RTN1: variants seen among roughly 807,000 people sequenced by gnomAD.
RTN1 encodes reticulon 1.
RTN1 carries 25 observed loss-of-function variants against 65.5 expected under a neutral mutation model. That is an observed-to-expected ratio of 0.38 (90% CI 0.28 to 0.53). The LOEUF (loss-of-function observed/expected upper bound fraction) is 0.53. Among genes scored for constraint, RTN1 ranks in the 20% least tolerant of loss-of-function variants. RTN1 has a pLI of 0.79. For missense variants in RTN1, 983 were observed against 1,025.4 expected, an observed-to-expected ratio of 0.96 and a Z score of 0.57; for synonymous variants, 471 against 447.6, an observed-to-expected ratio of 1.05 and a Z score of -0.66.
At chr14:59,857,489 G>T (rs1887629052) in intron 1 of RTN1, among the ~76,000 whole-genome samples, 1 of 152,086 alleles carries the variant, frequency 6.6e-6, no homozygotes, top group Admixed American at 6.6e-5. Context: ...CAGCCATAGG[G>T]CACAAAACTG....
intron 3 of RTN1, among the ~76,000 whole-genome samples, chr14:59,723,490 G>A (rs555413596): frequency 7.9e-5 from 12 of 151,906 alleles, no homozygotes; most frequent in South Asian, 4.2e-4. Flanking sequence ...GGTGGTGGGC[G>A]CCTGTAGTCC....
At chr14:59,847,076 T>C (rs1260692238) in intron 1 of RTN1, among the ~76,000 whole-genome samples, 1 of 152,238 alleles carries the variant, frequency 6.6e-6, no homozygotes, top group Non-Finnish European at 1.5e-5. Context: ...TAATTTCTCA[T>C]GCTTTAAAAC....
At chr14:59,857,862 C>T (rs1178925277) in intron 1 of RTN1, among the ~76,000 whole-genome samples, 2 of 152,174 alleles carry the variant, frequency 1.3e-5, no homozygotes, top group Non-Finnish European at 2.9e-5. Flanking sequence ...TCTTCCTTCT[C>T]CTCATCTGGA....
chr14:59,753,612 A>T (rs1885575296), intron 1 of RTN1, among the ~76,000 whole-genome samples: 1 of 152,194 alleles, frequency 6.6e-6, no homozygotes, highest in Non-Finnish European at 1.5e-5. Flanking sequence ...GTAAACAGAA[A>T]GTCCTCCTAG....
chr14:59,863,959 A>G (rs914218922), intron 1 of RTN1, among the ~76,000 whole-genome samples: 2 of 152,142 alleles, frequency 1.3e-5, no homozygotes, highest in African/African-American at 4.8e-5. Context: ...GGTGCAAGCC[A>G]CCATGATTTC....
intron 3 of RTN1, among the ~76,000 whole-genome samples, chr14:59,611,105 G>C (rs1881934941): frequency 6.6e-6 from 1 of 152,220 alleles, no homozygotes; most frequent in Non-Finnish European, 1.5e-5. Context: ...CACACAGCCG[G>C]CTCTGTGTGA....
chr14:59,840,993 C>T (rs1330032678), intron 1 of RTN1, among the ~76,000 whole-genome samples: 2 of 152,186 alleles, frequency 1.3e-5, no homozygotes, highest in Non-Finnish European at 2.9e-5. Context: ...CATCTTTGCT[C>T]CATCCCTTTC....
chr14:59,653,526 TTTTA>T (rs1437059399), intron 3 of RTN1, among the ~76,000 whole-genome samples: 3 of 152,042 alleles, frequency 2.0e-5, no homozygotes, highest in African/African-American at 4.8e-5. Flanking sequence ...AGTTTCTGTT[TTTTA>T]TTTATTTAAG....
At chr14:59,851,628 G>C (rs575179237) in intron 1 of RTN1, among the ~76,000 whole-genome samples, 1 of 152,098 alleles carries the variant, frequency 6.6e-6, no homozygotes, top group African/African-American at 2.4e-5. Context: ...GGGAGGCCAA[G>C]GCGGACAGAT....
intron 3 of RTN1, among the ~76,000 whole-genome samples, chr14:59,670,232 G>A (rs1883474264): frequency 6.6e-6 from 1 of 152,100 alleles, no homozygotes; most frequent in South Asian, 2.1e-4. Context: ...AATAAGCAAG[G>A]ACCAGAATTA....
chr14:59,708,254 G>A (rs1369062965), intron 3 of RTN1, among the ~76,000 whole-genome samples: 1 of 152,228 alleles, frequency 6.6e-6, no homozygotes, highest in South Asian at 2.1e-4. Context: ...TCAAAAACAA[G>A]CTCGGTGTGG....
chr14:59,824,357 G>A (rs886905632), intron 1 of RTN1, among the ~76,000 whole-genome samples: 19 of 152,220 alleles, frequency 1.2e-4, no homozygotes, highest in African/African-American at 4.6e-4. Flanking sequence ...ATAAATATTT[G>A]TGAAAGAGGG....
rs374830764 is a variant in RTN1 at position 59,672,785 on chromosome 14, C to T, written c.1765+54134G>A. 4.4e-4 allele frequency among the ~76,000 whole-genome samples: 66 copies of T among 150,334 alleles called. 1 individual carries two copies. The highest frequency in any genetic ancestry group is 1.7e-3 in the Admixed American group (25 of 15,088). ...CCTCCCGAGTAGCTGGGACTACAGG[C>T]GCCCGCCACCGCGCCTGGCTAATTT... On this transcript the variant is annotated intron_variant, in intron 3 of 8. Coordinates refer to ENST00000267484, the MANE Select transcript of RTN1 (RefSeq NM_021136.3).
intron 1 of RTN1, among the ~76,000 whole-genome samples, chr14:59,869,097 C>A (rs535928937): frequency 2.9e-4 from 44 of 152,042 alleles, no homozygotes; most frequent in Non-Finnish European, 6.2e-4. Flanking sequence ...TCCACTTTTT[C>A]TCTTCCTTTC....
At chr14:59,748,507 A>T (rs559441498) in intron 1 of RTN1, among the ~76,000 whole-genome samples, 1 of 151,712 alleles carries the variant, frequency 6.6e-6, no homozygotes, top group African/African-American at 2.4e-5. Flanking sequence ...CTCCATCTCA[A>T]ATTGCAACTT....
chr14:59,851,003 C>G (rs549522356), intron 1 of RTN1, among the ~76,000 whole-genome samples: 3 of 152,160 alleles, frequency 2.0e-5, no homozygotes, highest in Non-Finnish European at 4.4e-5. Flanking sequence ...CAGTTGTCTA[C>G]TGATTGTTTT....
chr14:59,648,408 A>G (rs1207482042), intron 3 of RTN1, among the ~76,000 whole-genome samples: 2 of 152,220 alleles, frequency 1.3e-5, no homozygotes, highest in East Asian at 3.8e-4. Flanking sequence ...TATTCCAACA[A>G]AATGAGAAGG....
chr14:59,669,907 C>A (rs537283240), intron 3 of RTN1, among the ~76,000 whole-genome samples: 1 of 152,224 alleles, frequency 6.6e-6, no homozygotes, highest in African/African-American at 2.4e-5. Flanking sequence ...ATGCAGACTC[C>A]TTGTTCCAGA....
At chr14:59,673,656 A>C (rs1181741586) in intron 3 of RTN1, among the ~76,000 whole-genome samples, 1 of 152,128 alleles carries the variant, frequency 6.6e-6, no homozygotes, top group Non-Finnish European at 1.5e-5. Context: ...TGGAAAAAGC[A>C]CCATTTGACT....
Sources: allele counts gnomAD v4.1 joint callset (sites outside exome capture counted in the v4.1 genomes callset), GRCh38; gene constraint gnomAD v4.1.1; transcripts MANE v1.5; gene names NCBI Gene and HGNC (gene_info 2026-07-23, HGNC 2026-07-21).